Variants in ZNF138 observed in about 807,000 individuals in gnomAD.
ZNF138 encodes zinc finger protein 138, also known as zinc finger protein 138 (clone pHZ-32).
A neutral mutation model predicts 33.0 loss-of-function variants in ZNF138; 33 were observed. That is an observed-to-expected ratio of 1.00 (90% CI 0.76 to 1.34). The LOEUF is 1.34. Ranked by LOEUF, ZNF138 falls within the 40% of genes most tolerant of loss-of-function variation. ZNF138 has a pLI of 0.00. For missense variants in ZNF138, 360 were observed against 370.8 expected (o/e 0.97, Z 0.24); for synonymous variants, 139 against 120.4 (o/e 1.15, Z -1.01).
chr7:64,831,829 A>C lies in ZNF138; in HGVS notation c.587A>C (p.Lys196Thr), dbSNP rs957031456. 6.2e-7 allele frequency: 1 copy of C among 1,613,616 alleles called. No individual in the cohort carries two copies. The highest frequency in any genetic ancestry group is 1.3e-5 in the African/African-American group (1 of 74,908). ...KKIHTRENFYKCEECGKTFNW... is the reference protein window; with the variant it reads ...KKIHTRENFYTCEECGKTFNW... ...ATTCATACTAGAGAGAATTTCTACA[A>C]ATGTGAAGAGTGTGGAAAAACCTTT... is the stretch of plus-strand genomic sequence containing the variant. The change falls in exon 4 of 4, where the codon AAA (lysine) becomes ACA (threonine). Residue 196 changes from lysine to threonine, a missense_variant. Transcript: ENST00000307355.
At position 64,819,944 on chromosome 7, in the gene ZNF138, C is replaced by G. The variant is rs563956695; in HGVS notation, c.208+4291C>G. Among the ~76,000 whole-genome samples, 3 of 150,358 alleles carry G rather than the reference C, an allele frequency of 2.0e-5. No individual in the cohort carries two copies. In the South Asian group the frequency reaches 6.3e-4, roughly 31 times the overall value. On this transcript the variant is annotated intron_variant, in intron 3 of 3. Coordinates refer to ENST00000307355, the MANE Select transcript of ZNF138 (RefSeq NM_001271639.2). ...TTTTAATAGCCAGGCATGGTCTTGT[C>G]CACCTGTGGTCCCAGCTTTTTGGGA...
At chr7:64,844,672 TTTTTG>T in the ZNF138 span, among the ~76,000 whole-genome samples, 11,468 of 150,504 alleles carry the variant, frequency 0.076, 623 homozygotes, top group South Asian at 0.18. Flanking sequence ...TTTATGTGTT[TTTTTG>T]TTTTGTTTTG....
At chr7:64,844,692 G>A in the ZNF138 span, among the ~76,000 whole-genome samples, 3 of 149,536 alleles carry the variant, frequency 2.0e-5, no homozygotes, top group South Asian at 6.3e-4. Flanking sequence ...GTTTTGTTTT[G>A]TTTTGTTTTT....
chr7:64,809,760 T>C (rs1195970706), intron 1 of ZNF138, among the ~76,000 whole-genome samples: 4 of 133,032 alleles, frequency 3.0e-5, no homozygotes, highest in Non-Finnish European at 6.5e-5. Flanking sequence ...CGGGCAGAGA[T>C]GCTCCTCACC....
the ZNF138 span, among the ~76,000 whole-genome samples, chr7:64,847,795 C>A: frequency 1.3e-5 from 2 of 151,984 alleles, no homozygotes; most frequent in Non-Finnish European, 2.9e-5. Context: ...CTGGTGAATT[C>A]TTATCAGTTC....
At chr7:64,797,959 G>T (rs1786825748) in intron 1 of ZNF138, among the ~76,000 whole-genome samples, 1 of 151,844 alleles carries the variant, frequency 6.6e-6, no homozygotes, top group African/African-American at 2.4e-5. Context: ...TTATTTTTTT[G>T]AGACAGAGTC....
the ZNF138 span, among the ~76,000 whole-genome samples, chr7:64,845,632 G>C: frequency 6.6e-6 from 1 of 152,164 alleles, no homozygotes; most frequent in Non-Finnish European, 1.5e-5. Context: ...TGGGAGTAAG[G>C]TAGTATCACA....
At chr7:64,809,647 C>T (rs1373412169) in intron 1 of ZNF138, among the ~76,000 whole-genome samples, 1 of 149,756 alleles carries the variant, frequency 6.7e-6, no homozygotes, top group African/African-American at 2.5e-5. Flanking sequence ...CGGAGACGCT[C>T]CTCACTTCCC....
At chr7:64,815,160 C>A in intron 2 of ZNF138, 116 bp downstream of exon 2, 1 of 1,087,492 alleles carries the variant, frequency 9.2e-7, no homozygotes, top group Non-Finnish European at 1.2e-6. Context: ...TTTCAGATTC[C>A]TGTTTTCAAA....
chr7:64,826,528 G>A (rs957884256), intron 3 of ZNF138, among the ~76,000 whole-genome samples: 1 of 152,106 alleles, frequency 6.6e-6, no homozygotes, highest in Non-Finnish European at 1.5e-5. Context: ...TGATCTGCCC[G>A]CCTCGGCTTC....
Position 64,833,045 on chromosome 7 carries a change from A to G in ZNF138, c.*843A>G. ...GCAAAGCTTTTAACCAAGTCTCAAC[A>G]CTTACTATACATAAGATAATTTATA... On this transcript the variant is annotated 3_prime_UTR_variant, in exon 4 of 4. Coordinates refer to ENST00000307355, the MANE Select transcript of ZNF138 (RefSeq NM_001271639.2). 2.5e-6 allele frequency: 1 copy of G among 395,302 alleles called. No homozygotes were observed. Among genetic ancestry groups the G allele is most frequent in the South Asian group, 2.1e-5 (1 of 48,548 alleles). The allele number at this position is 395,302 out of a possible 1,614,324, so 24.5% of individuals were successfully genotyped here.
At chr7:64,853,925 C>G in the ZNF138 span, among the ~76,000 whole-genome samples, 1 of 151,898 alleles carries the variant, frequency 6.6e-6, no homozygotes, top group African/African-American at 2.4e-5. Flanking sequence ...ATCGTTTGAA[C>G]CCAGGAGGTG....
chr7:64,830,622 C>G (rs1156756678), intron 3 of ZNF138, among the ~76,000 whole-genome samples: 1 of 152,044 alleles, frequency 6.6e-6, no homozygotes, highest in Non-Finnish European at 1.5e-5. Context: ...CATGCCCAGC[C>G]TGTATCTTCA....
chr7:64,853,499 C>G, the ZNF138 span: 4 of 468,368 alleles, frequency 8.5e-6, no homozygotes, highest in Non-Finnish European at 1.5e-5. Flanking sequence ...ATTTGTCTTT[C>G]TATGTCAGGA....
chr7:64,839,858 G>A, the ZNF138 span, among the ~76,000 whole-genome samples: 7 of 152,208 alleles, frequency 4.6e-5, no homozygotes, highest in Admixed American at 2.0e-4. Context: ...GCGGAGAGGC[G>A]AGACAAAGAG....
At chr7:64,852,859 G>T in the ZNF138 span, 1 of 862,330 alleles carries the variant, frequency 1.2e-6, no homozygotes, top group Non-Finnish European at 2.0e-6. Flanking sequence ...CAATCCAGGG[G>T]TTTAGTACTG....
chr7:64,812,727 G>C (rs774635060), intron 1 of ZNF138, among the ~76,000 whole-genome samples: 2 of 152,058 alleles, frequency 1.3e-5, no homozygotes, highest in Non-Finnish European at 2.9e-5. Context: ...TGTGGTGGTA[G>C]CAGGTAAACA....
the ZNF138 span, among the ~76,000 whole-genome samples, chr7:64,851,462 C>T: frequency 6.6e-6 from 1 of 152,006 alleles, no homozygotes; most frequent in Non-Finnish European, 1.5e-5. Flanking sequence ...CAAAATAATG[C>T]TAAGAATTAC....
intron 3 of ZNF138, among the ~76,000 whole-genome samples, chr7:64,817,718 T>A (rs930472666): frequency 5.9e-5 from 9 of 152,154 alleles, no homozygotes; most frequent in African/African-American, 1.7e-4. Flanking sequence ...TAGGGCATCT[T>A]TTATATTTCC....
Sources: gnomAD v4.1 joint callset for allele counts (sites outside exome capture counted in the v4.1 genomes callset) on GRCh38, gnomAD v4.1.1 for gene constraint, MANE v1.5 for transcripts, NCBI Gene and HGNC (gene_info 2026-07-23, HGNC 2026-07-21) for gene names.